Variants in SLC25A21 observed in about 807,000 individuals in gnomAD.
SLC25A21 encodes solute carrier family 25 member 21, also known as mitochondrial 2-oxodicarboxylate carrier.
Under a neutral mutation model 43.8 loss-of-function variants are expected in SLC25A21, and 47 were observed. The ratio of observed to expected loss-of-function variants is 1.07; its 90% CI spans 0.85 to 1.37. The LOEUF (loss-of-function observed/expected upper bound fraction) is 1.37, where lower values mean the gene tolerates loss of function less well. Among genes scored for constraint, SLC25A21 ranks in the 40% most tolerant of loss-of-function variants. SLC25A21 has a pLI of 0.00. For synonymous variants in SLC25A21, 131 were observed against 121.3 expected (o/e 1.08, Z -0.52); for missense variants, 352 against 350.2 (o/e 1.00, Z -0.04).
At chr14:36,714,776 G>A (rs60547886) in intron 6 of SLC25A21, among the ~76,000 whole-genome samples, 3 of 152,190 alleles carry the variant, frequency 2.0e-5, no homozygotes, top group African/African-American at 7.2e-5. Context: ...ATCCCTATTT[G>A]GCAGATAAGG....
chr14:36,734,472 T>G (rs764512696), intron 4 of SLC25A21, 35 bp downstream of exon 4: 6 of 1,556,002 alleles, frequency 3.9e-6, no homozygotes, highest in Non-Finnish European at 5.3e-6. Context: ...TACTGTGCCC[T>G]ACTTTTGCTT....
At chr14:37,044,116 T>C (rs1027863113) in intron 1 of SLC25A21, among the ~76,000 whole-genome samples, 2 of 151,926 alleles carry the variant, frequency 1.3e-5, no homozygotes, top group Admixed American at 1.3e-4. Context: ...GAAGTGTGTC[T>C]TGCTTTCCAT....
At chr14:36,985,142 C>T (rs967692907) in intron 1 of SLC25A21, among the ~76,000 whole-genome samples, 2 of 140,918 alleles carry the variant, frequency 1.4e-5, no homozygotes, top group Non-Finnish European at 3.0e-5. Context: ...CACATGGACA[C>T]AGGAAGGGGA....
chr14:37,001,191 A>C (rs1279717534), intron 1 of SLC25A21, among the ~76,000 whole-genome samples: 1 of 152,210 alleles, frequency 6.6e-6, no homozygotes, highest in Non-Finnish European at 1.5e-5. Flanking sequence ...AAGTAGCTTA[A>C]CTATTGTAGC....
At chr14:36,829,847 T>G (rs368583650) in intron 2 of SLC25A21, among the ~76,000 whole-genome samples, 1 of 152,146 alleles carries the variant, frequency 6.6e-6, no homozygotes, top group African/African-American at 2.4e-5. Flanking sequence ...GGTGTGCAAA[T>G]AGTACACCTT....
At chr14:37,084,353 T>G (rs543344918) in intron 1 of SLC25A21, among the ~76,000 whole-genome samples, 67 of 152,330 alleles carry the variant, frequency 4.4e-4, no homozygotes, top group African/African-American at 1.3e-3. Context: ...TACCTGATGA[T>G]GAACTGGTGG....
At chr14:37,158,017 A>T (rs1963878830) in intron 1 of SLC25A21, among the ~76,000 whole-genome samples, 1 of 152,192 alleles carries the variant, frequency 6.6e-6, no homozygotes, top group Admixed American at 6.5e-5. Flanking sequence ...CATACAACCT[A>T]CAAAGATTGG....
intron 2 of SLC25A21, among the ~76,000 whole-genome samples, chr14:36,850,647 T>C (rs147228906): frequency 1.3e-5 from 2 of 152,150 alleles, no homozygotes; most frequent in African/African-American, 4.8e-5. Flanking sequence ...CCATTACATG[T>C]TATAACATGT....
intron 1 of SLC25A21, among the ~76,000 whole-genome samples, chr14:37,008,605 T>C (rs1960660356): frequency 6.6e-6 from 1 of 152,142 alleles, no homozygotes; most frequent in Admixed American, 6.5e-5. Context: ...TCAATCCACC[T>C]GTTAGAGAAG....
intron 6 of SLC25A21, among the ~76,000 whole-genome samples, chr14:36,714,828 G>T (rs1884054546): frequency 6.6e-6 from 1 of 152,220 alleles, no homozygotes; most frequent in Non-Finnish European, 1.5e-5. Flanking sequence ...CAAGATTACA[G>T]AGTAAGTGGT....
chr14:37,060,213 G>A (rs1961915759), intron 1 of SLC25A21, among the ~76,000 whole-genome samples: 1 of 151,772 alleles, frequency 6.6e-6, no homozygotes, highest in African/African-American at 2.4e-5. Flanking sequence ...GAAGGCTCTA[G>A]TCCTCCCTCC....
intron 7 of SLC25A21, among the ~76,000 whole-genome samples, chr14:36,692,049 G>C (rs751744211): frequency 6.6e-6 from 1 of 152,238 alleles, no homozygotes. Flanking sequence ...GAGAGAAGGT[G>C]TAAGTTTTCC....
chr14:37,058,343 C>G (rs1231029487), intron 1 of SLC25A21, among the ~76,000 whole-genome samples: 1 of 152,170 alleles, frequency 6.6e-6, no homozygotes, highest in African/African-American at 2.4e-5. Flanking sequence ...GTTAAACATA[C>G]AACTCATTTG....
chr14:37,157,677 A>G (rs948095913), intron 1 of SLC25A21, among the ~76,000 whole-genome samples: 4 of 152,208 alleles, frequency 2.6e-5, no homozygotes, highest in Admixed American at 6.5e-5. Flanking sequence ...ATGCACCTCA[A>G]GGAACTAGAA....
chr14:37,104,062 A>G (rs1392974274), intron 1 of SLC25A21, among the ~76,000 whole-genome samples: 2 of 152,206 alleles, frequency 1.3e-5, no homozygotes, highest in Non-Finnish European at 2.9e-5. Context: ...GTAACAGATA[A>G]ATGCCATATG....
chr14:37,008,376 C>G (rs1960655910), intron 1 of SLC25A21, among the ~76,000 whole-genome samples: 2 of 152,028 alleles, frequency 1.3e-5, no homozygotes, highest in Non-Finnish European at 2.9e-5. Flanking sequence ...GAAAAATGTA[C>G]AGGTTAAATA....
chr14:37,139,964 T>C lies in SLC25A21; in HGVS notation c.70+32317A>G, dbSNP rs17106433. 0.018 allele frequency among the ~76,000 whole-genome samples: 2,684 copies of C among 152,314 alleles called. 186 individuals carry two copies. In the East Asian group the frequency reaches 0.26, roughly 15 times the overall value. On this transcript the variant is annotated intron_variant, in intron 1 of 9. Coordinates refer to ENST00000331299, the MANE Select transcript of SLC25A21 (RefSeq NM_030631.4). ...CCGAAACTAAAATGAACATTAGCAG[T>C]TGAAGAACCGGAGGAAATAAAATTA...
intron 2 of SLC25A21, among the ~76,000 whole-genome samples, chr14:36,828,102 ATGTG>A (rs1888902607): frequency 1.6e-4 from 1 of 6,300 alleles, no homozygotes; most frequent in African/African-American, 1.9e-4. Flanking sequence ...ATGTGTGGCA[ATGTG>A]AGGTCTTCTG....
rs191158709 is a variant in SLC25A21, at chr14:37,128,171, A to G, written c.70+44110T>C. Among the ~76,000 whole-genome samples, 23 of 152,304 alleles carry G rather than the reference A, an allele frequency of 1.5e-4. No individual in the cohort carries two copies. In the East Asian group the frequency reaches 3.1e-3, roughly 20 times the overall value. On this transcript the variant is annotated intron_variant, in intron 1 of 9. Transcript: ENST00000331299. ...TAAGAAATGCCCAAACCAATGGATT[A>G]AAAAATATTATGTTGTTTAAGCCGA...
Sources: allele counts gnomAD v4.1 joint callset (sites outside exome capture counted in the v4.1 genomes callset), GRCh38; gene constraint gnomAD v4.1.1; transcripts MANE v1.5; gene names NCBI Gene and HGNC (gene_info 2026-07-23, HGNC 2026-07-21).